Variants in PLEKHA7 observed in about 807,000 individuals in gnomAD.
PLEKHA7 encodes pleckstrin homology domain-containing family A member 7.
PLEKHA7 carries 104 observed loss-of-function variants against 170.0 expected under a neutral mutation model. The ratio of observed to expected loss-of-function variants is 0.61; its 90% CI spans 0.52 to 0.72. PLEKHA7 has a LOEUF of 0.72. Ranked by LOEUF, PLEKHA7 falls within the 30% of genes least tolerant of loss-of-function variation. The probability of loss-of-function intolerance (pLI) is 0.00; values close to 1 mark genes in which losing one functional copy is unlikely to be tolerated. For synonymous variants in PLEKHA7, 648 were observed against 660.8 expected, an observed-to-expected ratio of 0.98 and a Z score of 0.30; for missense variants, 1,615 against 1,671.7, an observed-to-expected ratio of 0.97 and a Z score of 0.59.
At chr11:16,809,149 CA>C (rs1265601103) in intron 13 of PLEKHA7, among the ~76,000 whole-genome samples, 2 of 152,082 alleles carry the variant, frequency 1.3e-5, no homozygotes, top group African/African-American at 4.8e-5. Context: ...TAAACATTTC[CA>C]AAAAAGCACA....
In PLEKHA7 at chr11:16,855,821, C is replaced by T. The variant is rs757644413; in HGVS notation, c.399G>A (p.Glu133=). 15 of 1,613,210 alleles carry T rather than the reference C, an allele frequency of 9.3e-6. No individual in the cohort carries two copies. Among genetic ancestry groups the T allele is most frequent in the African/African-American group, 1.3e-5 (1 of 74,886 alleles). The change falls in exon 5 of 27, where the codon GAG becomes GAA. Residue 133 remains glutamate (E), a synonymous_variant. Coordinates refer to ENST00000531066, the MANE Select transcript of PLEKHA7 (RefSeq NM_001329630.2). The stretch of plus-strand genomic sequence containing the variant: ...AGCTCACCTTGGGTCCAGGCTTGGC[C>T]TCCAGGGTGGAGGCGGTCCCAGCCG... ...TSTAGTASTL[E]AKPGPKIIKS...
chr11:16,932,200 T>C (rs905626202), intron 3 of PLEKHA7, among the ~76,000 whole-genome samples: 1 of 151,960 alleles, frequency 6.6e-6, no homozygotes, highest in Non-Finnish European at 1.5e-5. Context: ...AGTATTATTA[T>C]GAAGATTAAA....
intron 4 of PLEKHA7, among the ~76,000 whole-genome samples, chr11:16,861,998 C>T (rs1161335597): frequency 6.7e-6 from 1 of 150,210 alleles, no homozygotes; most frequent in Non-Finnish European, 1.5e-5. Flanking sequence ...CACCTCCCTC[C>T]ACACCCCCTC....
intron 4 of PLEKHA7, among the ~76,000 whole-genome samples, chr11:16,862,245 T>C (rs1002129593): frequency 3.3e-5 from 5 of 152,168 alleles, no homozygotes; most frequent in African/African-American, 1.2e-4. Flanking sequence ...AGCCTCTCAC[T>C]TGGCATGAAA....
In PLEKHA7 at chr11:16,936,702, T is replaced by C. The variant is rs115479491; in HGVS notation, c.222-65520A>G. Among the ~76,000 whole-genome samples the C allele has an allele frequency of 1.4e-3, 220 of 152,316 alleles. 1 individual carries two copies. The highest frequency in any genetic ancestry group is 4.9e-3 in the African/African-American group (204 of 41,580). On this transcript the variant is annotated intron_variant, in intron 3 of 26. Transcript: ENST00000531066. Reference sequence around the variant, plus strand: ...CAGTGTGACAAGAACAATAAACACATTCACCATGTGCAGAAACCAGGGAAA... The same window carrying C: ...CAGTGTGACAAGAACAATAAACACACTCACCATGTGCAGAAACCAGGGAAA...
intron 8 of PLEKHA7, 79 bp from the exon 9 acceptor site, chr11:16,841,801 T>A: frequency 7.0e-7 from 1 of 1,420,022 alleles, no homozygotes. Flanking sequence ...AAGGAGGCAC[T>A]ATGGCCCTTC....
chr11:17,013,615 T>C (rs1865458072), intron 3 of PLEKHA7, among the ~76,000 whole-genome samples: 1 of 152,152 alleles, frequency 6.6e-6, no homozygotes, highest in South Asian at 2.1e-4. Flanking sequence ...CTCGTTCTAC[T>C]CCTCCCACCC....
At chr11:17,007,050 C>A (rs192705843) in intron 3 of PLEKHA7, among the ~76,000 whole-genome samples, 1 of 152,206 alleles carries the variant, frequency 6.6e-6, no homozygotes, top group Non-Finnish European at 1.5e-5. Context: ...CTCGGAGGAC[C>A]AGGTTCTTAA....
At chr11:16,873,712 G>A (rs1011039426) in intron 3 of PLEKHA7, among the ~76,000 whole-genome samples, 2 of 152,218 alleles carry the variant, frequency 1.3e-5, no homozygotes, top group African/African-American at 4.8e-5. Flanking sequence ...TGTCGCCCAG[G>A]CTGGAGTGCA....
At chr11:16,852,222 A>T in intron 7 of PLEKHA7, 61 bp downstream of exon 7, 1 of 1,474,406 alleles carries the variant, frequency 6.8e-7, no homozygotes, top group Non-Finnish European at 9.4e-7. Flanking sequence ...TGAAGTCACC[A>T]ACCATCCACA....
intron 3 of PLEKHA7, among the ~76,000 whole-genome samples, chr11:16,955,962 T>G (rs1465257163): frequency 6.6e-6 from 1 of 151,392 alleles, no homozygotes; most frequent in East Asian, 1.9e-4. Context: ...AGCCCAGGAG[T>G]TTAAGGTAGG....
chr11:16,986,252 C>CA (rs1337059626), intron 3 of PLEKHA7, among the ~76,000 whole-genome samples: 2 of 152,082 alleles, frequency 1.3e-5, no homozygotes, highest in African/African-American at 4.8e-5. Context: ...AGGATGGAGG[C>CA]AAGAAAACCA....
chr11:16,940,158 G>A (rs1435084590), intron 3 of PLEKHA7, among the ~76,000 whole-genome samples: 1 of 152,118 alleles, frequency 6.6e-6, no homozygotes, highest in East Asian at 1.9e-4. Context: ...TACCACTTGT[G>A]TCTTCTCAGC....
chr11:16,900,542 C>T (rs555520387), intron 3 of PLEKHA7, among the ~76,000 whole-genome samples: 189 of 152,206 alleles, frequency 1.2e-3, no homozygotes, highest in Non-Finnish European at 2.0e-3. Context: ...TGCATTTATT[C>T]AACTTGACAT....
At chr11:16,834,980 G>C (rs1488442129) in intron 9 of PLEKHA7, among the ~76,000 whole-genome samples, 1 of 152,142 alleles carries the variant, frequency 6.6e-6, no homozygotes, top group African/African-American at 2.4e-5. Flanking sequence ...ACAAAAGTCA[G>C]AGGTACAGGC....
chr11:17,003,261 G>T (rs1318305808), intron 3 of PLEKHA7, among the ~76,000 whole-genome samples: 1 of 152,158 alleles, frequency 6.6e-6, no homozygotes, highest in Non-Finnish European at 1.5e-5. Context: ...AAAGTGCTGG[G>T]ATTACACATG....
chr11:16,839,478 T>C (rs1851786639), intron 9 of PLEKHA7, among the ~76,000 whole-genome samples: 1 of 150,290 alleles, frequency 6.7e-6, no homozygotes, highest in Non-Finnish European at 1.5e-5. Context: ...TATATACATA[T>C]ATATACACAC....
At chr11:16,900,357 G>A (rs1031846920) in intron 3 of PLEKHA7, among the ~76,000 whole-genome samples, 2 of 152,152 alleles carry the variant, frequency 1.3e-5, no homozygotes, top group East Asian at 3.9e-4. Flanking sequence ...CCTTAGCTCA[G>A]GTGGAAAGGA....
chr11:16,797,851 C>A (rs959915113), intron 17 of PLEKHA7, among the ~76,000 whole-genome samples: 1 of 152,136 alleles, frequency 6.6e-6, no homozygotes, highest in Admixed American at 6.5e-5. Flanking sequence ...CTTTCTTGCC[C>A]CCCTGATGCC....
Sources: allele counts gnomAD v4.1 joint callset (sites outside exome capture counted in the v4.1 genomes callset), GRCh38; gene constraint gnomAD v4.1.1; transcripts MANE v1.5; gene names NCBI Gene and HGNC (gene_info 2026-07-23, HGNC 2026-07-21).